The following AZIN1 variants were observed in gnomAD, a reference collection of about 807,000 sequenced individuals.
AZIN1 encodes ornithine decarboxylase antizyme inhibitor.
In AZIN1, 12 loss-of-function variants were observed where a neutral mutation model predicts 47.4. The observed-to-expected ratio is 0.25, with a 90% confidence interval of 0.16 to 0.41. The LOEUF is 0.41. Ranked by LOEUF, AZIN1 falls within the 10% of genes least tolerant of loss-of-function variation. The pLI, the probability that AZIN1 is intolerant of heterozygous loss-of-function variation, is 1.00. For synonymous variants in AZIN1, 155 were observed against 176.3 expected, an observed-to-expected ratio of 0.88 and a Z score of 0.96; for missense variants, 410 against 532.4, an observed-to-expected ratio of 0.77 and a Z score of 2.26.
intron 5 of AZIN1, among the ~76,000 whole-genome samples, chr8:102,837,989 A>G (rs1362084161): frequency 1.3e-5 from 2 of 152,200 alleles, no homozygotes; most frequent in Non-Finnish European, 2.9e-5. Flanking sequence ...GCTGGAGTGC[A>G]GTGGCTCGAT....
Position 102,828,513 on chromosome 8 carries a change from T to G in AZIN1, c.*54A>C. ...AAATTATTTTTCCACACTGGAATGT[T>G]GACCAGACAAGCTTAACCTGCAACT... On this transcript the variant is annotated 3_prime_UTR_variant, in exon 12 of 12. Transcript: ENST00000337198. 1 of 1,199,118 alleles carries G rather than the reference T, an allele frequency of 8.3e-7. No homozygotes were observed. Among genetic ancestry groups the G allele is most frequent in the Non-Finnish European group, 1.2e-6 (1 of 835,368 alleles). 74.3% of individuals were successfully genotyped at this position (1,199,118 alleles called of 1,614,324 possible).
chr8:102,838,639 A>G, intron 5 of AZIN1, 105 bp downstream of exon 5: 3 of 856,134 alleles, frequency 3.5e-6, no homozygotes, highest in South Asian at 3.9e-5. Context: ...TAATTATGAT[A>G]CACATCATTG....
chr8:102,848,211 C>T (rs539649377), intron 2 of AZIN1, among the ~76,000 whole-genome samples: 1 of 149,944 alleles, frequency 6.7e-6, no homozygotes, highest in East Asian at 2.0e-4. Flanking sequence ...GATGTTCAAA[C>T]AACCACAATG....
rs764432214 is a variant in AZIN1 at position 102,836,376 on chromosome 8, A to G, written c.464T>C (p.Ile155Thr). 15 of 1,614,018 alleles carry G rather than the reference A, an allele frequency of 9.3e-6. No homozygotes were observed. Among genetic ancestry groups the G allele is most frequent in the Non-Finnish European group, 1.2e-5 (14 of 1,179,920 alleles). Reference sequence around the variant, plus strand: ...ACCTCCAATATTATCTTCTGTTGCAATATGTAGTAAGACCCTAAGAGAAGG... The same window carrying G: ...ACCTCCAATATTATCTTCTGTTGCAGTATGTAGTAAGACCCTAAGAGAAGG... The part of the protein sequence containing the change: ...NHPNAKVLLH[I>T]ATEDNIGGEE... Residue 155 changes from isoleucine (I) to threonine (T), a missense_variant, in exon 6 of 12, where the codon ATT (isoleucine) becomes ACT (threonine). Physicochemically the swap from Ile to Thr is moderately conservative, Grantham distance 89. Coordinates refer to ENST00000337198, the MANE Select transcript of AZIN1 (RefSeq NM_148174.4).
chr8:102,845,573 G>A (rs148354770), intron 2 of AZIN1, among the ~76,000 whole-genome samples: 31 of 152,206 alleles, frequency 2.0e-4, no homozygotes, highest in African/African-American at 3.9e-4. Context: ...AAGAATACAT[G>A]TTTATTTTAA....
chr8:102,835,357 AT>A (rs1811752285), intron 6 of AZIN1: 1 of 152,364 alleles, frequency 6.6e-6, no homozygotes, highest in African/African-American at 2.4e-5. Context: ...TACTTCATTA[AT>A]TTTTATGTTG....
Position 102,838,871 on chromosome 8 carries a change from T to A in AZIN1, c.322A>T (p.Ile108Phe). 2 of 1,613,758 alleles carry A rather than the reference T, an allele frequency of 1.2e-6. No homozygotes were observed. Among genetic ancestry groups the A allele is most frequent in the Non-Finnish European group, 1.7e-6 (2 of 1,179,898 alleles). Residue 108 changes from isoleucine to phenylalanine, a missense_variant, in exon 5 of 12, where the codon ATT (isoleucine) becomes TTT (phenylalanine). Ile to Phe is a conservative substitution (Grantham distance 21). Coordinates refer to ENST00000337198, the MANE Select transcript of AZIN1 (RefSeq NM_148174.4). ...VQELGVPPENIIYISPCKQVS... is the reference protein window; with the variant it reads ...VQELGVPPENFIYISPCKQVS... Reference sequence around the variant, plus strand: ...TGCTTGCAAGGACTTATGTAAATAATGTTTTCTGGAGGTACACCCAACTCT... The same window carrying A: ...TGCTTGCAAGGACTTATGTAAATAAAGTTTTCTGGAGGTACACCCAACTCT...
intron 1 of AZIN1, chr8:102,859,130 T>TCGG (rs1554584514): frequency 1.3e-5 from 2 of 151,696 alleles, no homozygotes; most frequent in East Asian, 3.9e-4. Flanking sequence ...TTCATCTATC[T>TCGG]AGGAGAAGCT....
chr8:102,846,953 T>A (rs1812603646), intron 2 of AZIN1, among the ~76,000 whole-genome samples: 1 of 152,084 alleles, frequency 6.6e-6, no homozygotes, highest in African/African-American at 2.4e-5. Context: ...ACAGCTGACA[T>A]ATAGTGTCAT....
rs1239297738 is a variant in AZIN1, at chr8:102,836,265, A to G, written c.575T>C (p.Ile192Thr). Residue 192 changes from isoleucine (I) to threonine (T), a missense_variant, in exon 6 of 12, where the codon ATT becomes ACT. By Grantham distance (89) the Ile-to-Thr change is moderately conservative. Around this residue, in one of 3 missense-constraint regions of AZIN1, gnomAD observed 237 missense variants for 309.4 expected, o/e 0.77. Coordinates refer to ENST00000337198, the MANE Select transcript of AZIN1 (RefSeq NM_148174.4). ...ECAKELDVQI[I>T]GVKFHVSSAC... ...TAAAACAAATACTCACTTAACCCCAATTATTTGGACATCAAGTTCCTTAGC... is the reference window on the plus strand; with the variant it reads ...TAAAACAAATACTCACTTAACCCCAGTTATTTGGACATCAAGTTCCTTAGC... 6.2e-7 allele frequency: 1 copy of G among 1,613,708 alleles called. No homozygotes were observed. Among genetic ancestry groups the G allele is most frequent in the Non-Finnish European group, 8.5e-7 (1 of 1,179,846 alleles).
intron 2 of AZIN1, among the ~76,000 whole-genome samples, chr8:102,854,053 G>A (rs910090592): frequency 3.3e-5 from 5 of 151,996 alleles, no homozygotes; most frequent in Admixed American, 1.3e-4. Flanking sequence ...GCAGGCCTCA[G>A]CCTCCCTAGT....
chr8:102,849,437 CTG>C (rs1812789599), intron 2 of AZIN1, among the ~76,000 whole-genome samples: 2 of 152,100 alleles, frequency 1.3e-5, no homozygotes, highest in Admixed American at 6.6e-5. Context: ...CCAAAAGAAA[CTG>C]TACCACTTCT....
chr8:102,834,965 A>G, intron 6 of AZIN1: 1 of 494,456 alleles, frequency 2.0e-6, no homozygotes, highest in Non-Finnish European at 3.6e-6. Context: ...GTAATTCTAT[A>G]AACAAAAATT....
chr8:102,835,257 T>A (rs1384877946), intron 6 of AZIN1: 1 of 153,288 alleles, frequency 6.5e-6, no homozygotes, highest in Non-Finnish European at 1.5e-5. Flanking sequence ...GAATACTTCC[T>A]GATTGTGGCA....
At chr8:102,834,285 T>C (rs200449495) in intron 7 of AZIN1, 22 bp from the exon 8 acceptor site, 1 of 1,589,140 alleles carries the variant, frequency 6.3e-7, no homozygotes, top group East Asian at 2.2e-5. Context: ...AAAAAAAAAT[T>C]TAAATGTTTT....
Position 102,834,735 on chromosome 8 carries a change from C to T in AZIN1, c.597G>A (p.Ser199=), listed in dbSNP as rs1020114313. 1.2e-5 allele frequency: 20 copies of T among 1,610,304 alleles called. No individual in the cohort carries two copies. Among genetic ancestry groups the T allele is most frequent in the East Asian group, 2.2e-5 (1 of 44,758 alleles). The change falls in exon 7 of 12, where the codon TCG becomes TCA. Residue 199 remains serine (S), a synonymous_variant. Coordinates refer to ENST00000337198, the MANE Select transcript of AZIN1 (RefSeq NM_148174.4). ...VQIIGVKFHV[S]SACKESQVYV... ...ATACTTGAGATTCTTTGCAAGCACT[C>T]GAAACATGAAATCTGAAACACATAG...
chr8:102,839,346 C>G (rs1812028146), intron 4 of AZIN1, among the ~76,000 whole-genome samples: 1 of 152,164 alleles, frequency 6.6e-6, no homozygotes, highest in Non-Finnish European at 1.5e-5. Context: ...CCAAAGAAAT[C>G]TCAGAGTTTA....
chr8:102,851,104 G>A (rs1047894691), intron 2 of AZIN1, among the ~76,000 whole-genome samples: 3 of 152,124 alleles, frequency 2.0e-5, no homozygotes, highest in Admixed American at 6.5e-5. Context: ...GAAAATGTGT[G>A]TGTACTAAAG....
chr8:102,838,992 A>C, intron 4 of AZIN1, 76 bp from the exon 5 acceptor site: 1 of 1,299,342 alleles, frequency 7.7e-7, no homozygotes, highest in East Asian at 2.4e-5. Context: ...TAATACTATT[A>C]CCCCCACCCC....
Sources: gnomAD v4.1 joint callset for allele counts (sites outside exome capture counted in the v4.1 genomes callset) on GRCh38, gnomAD v4.1.1 for gene constraint, gnomAD v4.1.1 regional missense constraint, MANE v1.5 for transcripts, NCBI Gene and HGNC (gene_info 2026-07-23, HGNC 2026-07-21) for gene names.